The following FAM83F variants were observed in gnomAD, a reference collection of about 807,000 sequenced individuals.
The protein encoded by FAM83F is scaffolding CK1 anchoring protein F.
A neutral mutation model predicts 42.9 loss-of-function variants in FAM83F; 45 were observed. That is an observed-to-expected ratio of 1.05 (90% CI 0.83 to 1.35). The LOEUF (loss-of-function observed/expected upper bound fraction) is 1.35. FAM83F is among the 40% of genes most tolerant of loss of function. The pLI is 0.00. For missense variants in FAM83F, 617 were observed against 695.9 expected, an observed-to-expected ratio of 0.89 and a Z score of 1.28; for synonymous variants, 306 against 298.3, an observed-to-expected ratio of 1.03 and a Z score of -0.27.
intron 1 of FAM83F, among the ~76,000 whole-genome samples, chr22:40,017,579 C>T (rs1880578515): frequency 6.6e-6 from 1 of 152,194 alleles, no homozygotes; most frequent in Non-Finnish European, 1.5e-5. Flanking sequence ...CCTGGGACAA[C>T]CCTTTGAGAT....
At chr22:39,999,864 G>C (rs1034217511) in intron 1 of FAM83F, among the ~76,000 whole-genome samples, 8 of 152,200 alleles carry the variant, frequency 5.3e-5, no homozygotes, top group African/African-American at 1.9e-4. Flanking sequence ...CTGTCGATGG[G>C]TTTGTCCCTT....
intron 1 of FAM83F, among the ~76,000 whole-genome samples, chr22:40,013,860 A>G (rs576343673): frequency 6.6e-6 from 1 of 152,128 alleles, no homozygotes; most frequent in East Asian, 1.9e-4. Flanking sequence ...TCCAAATGCC[A>G]TGTGGTTAGG....
intron 1 of FAM83F, among the ~76,000 whole-genome samples, chr22:40,014,553 A>T (rs1254676490): frequency 6.6e-6 from 1 of 152,098 alleles, no homozygotes; most frequent in Admixed American, 6.5e-5. Context: ...TGTCATGTGC[A>T]TTTTCAATTG....
rs2067648706 is a variant in FAM83F, at chr22:40,041,189, G to C, written c.*11624G>C. ...CCAACTGTATAGAACACCACATATA[G>C]AGCGCTAAGAATAGCACAGCGCTCC... On this transcript the variant is annotated 3_prime_UTR_variant, in exon 5 of 5. Coordinates refer to ENST00000333407, the MANE Select transcript of FAM83F (RefSeq NM_138435.4). 6.6e-6 allele frequency: 1 copy of C among 152,260 alleles called. No individual in the cohort carries two copies. The highest frequency in any genetic ancestry group is 2.4e-5 in the African/African-American group (1 of 41,540). 9.4% of individuals were successfully genotyped at this position (152,260 alleles called of 1,614,324 possible).
chr22:40,024,528 A>G (rs2067540154), intron 4 of FAM83F, among the ~76,000 whole-genome samples: 1 of 152,148 alleles, frequency 6.6e-6, no homozygotes. Flanking sequence ...CCCCTGGTAA[A>G]TGTTCAGAAC....
rs1220390498 is a variant in FAM83F, at chr22:39,995,464, C to T, written c.422C>T (p.Pro141Leu). The change falls in exon 1 of 5, where the codon CCG becomes CTG. Residue 141 changes from proline (P) to leucine (L), a missense_variant. Physicochemically the swap from Pro to Leu is moderately conservative, Grantham distance 98 (BLOSUM62 -3). Coordinates refer to ENST00000333407, the MANE Select transcript of FAM83F (RefSeq NM_138435.4). The surrounding 1 kb of genome is among the most constrained non-coding windows in gnomAD (Gnocchi z 4.6). ...GVSRVTLFTH[P>L]PKDEKAPHLK... ...AGCCGGGTCACGCTCTTCACCCACC[C>T]GCCCAAGGACGAGAAGGCGCCGCAC... is the stretch of plus-strand genomic sequence containing the variant. 4.5e-6 allele frequency: 7 copies of T among 1,571,780 alleles called. No homozygotes were observed. The African/African-American group carries it at 9.5e-5, about 21-fold the overall frequency.
At chr22:40,020,730 A>G (rs2067515145) in intron 3 of FAM83F, among the ~76,000 whole-genome samples, 1 of 152,152 alleles carries the variant, frequency 6.6e-6, no homozygotes, top group Non-Finnish European at 1.5e-5. Context: ...CTCCAAGTAA[A>G]TTAAAATATA....
At chr22:40,000,572 T>G (rs1237256010) in intron 1 of FAM83F, among the ~76,000 whole-genome samples, 12 of 152,190 alleles carry the variant, frequency 7.9e-5, no homozygotes, top group Non-Finnish European at 1.6e-4. Context: ...CCAGGCACTT[T>G]GCTGGACATT....
At position 40,010,682 on chromosome 22, in the gene FAM83F, C is replaced by T. The variant is rs527339786; in HGVS notation, c.490-8486C>T. 9.2e-5 allele frequency among the ~76,000 whole-genome samples: 14 copies of T among 152,274 alleles called. 1 individual carries two copies. The South Asian group carries it at 2.9e-3, about 32-fold the overall frequency. On this transcript the variant is annotated intron_variant, in intron 1 of 4. Coordinates refer to ENST00000333407, the MANE Select transcript of FAM83F (RefSeq NM_138435.4). ...TGCAAACCGGTCAAGCTGTCCTCAG[C>T]GACATGAGTCCACTCTAAACTGGAC... is the stretch of plus-strand genomic sequence containing the variant.
intron 1 of FAM83F, among the ~76,000 whole-genome samples, chr22:40,016,502 C>G (rs1437264598): frequency 6.6e-6 from 1 of 151,226 alleles, no homozygotes; most frequent in Non-Finnish European, 1.5e-5. Context: ...CCCAGCCTAC[C>G]TTGTTGAACT....
chr22:40,025,823 C>T (rs185794202), intron 4 of FAM83F, among the ~76,000 whole-genome samples: 2 of 152,338 alleles, frequency 1.3e-5, no homozygotes, highest in East Asian at 3.9e-4. Context: ...CAGTGTAGCT[C>T]CCCAGTGCAG....
At position 39,995,274 on chromosome 22, in the gene FAM83F, G is replaced by T; in HGVS notation, c.232G>T (p.Val78Phe). Reference protein sequence around the residue: ...RAAWSPYEDAVPAANARGKSK... With the variant: ...RAAWSPYEDAFPAANARGKSK... ...CGCCTGGAGCCCCTACGAGGACGCCGTCCCCGCCGCCAACGCCCGGGGCAA... is the reference window on the plus strand; with the variant it reads ...CGCCTGGAGCCCCTACGAGGACGCCTTCCCCGCCGCCAACGCCCGGGGCAA... Residue 78 changes from valine to phenylalanine, a missense_variant, in exon 1 of 5, where the codon GTC becomes TTC. Coordinates refer to ENST00000333407, the MANE Select transcript of FAM83F (RefSeq NM_138435.4). This position sits in a 1 kb window ranked among gnomAD's most constrained non-coding sequence, Gnocchi z 4.6. 6.5e-7 allele frequency: 1 copy of T among 1,535,744 alleles called. No homozygotes were observed.
chr22:40,019,744 G>A, intron 2 of FAM83F, 143 bp from the exon 3 acceptor site: 1 of 1,195,312 alleles, frequency 8.4e-7, no homozygotes, highest in Non-Finnish European at 1.1e-6. Flanking sequence ...CCTATGGAAG[G>A]CTGTAGGAAG....
intron 2 of FAM83F, 34 bp downstream of exon 2, chr22:40,019,369 G>C: frequency 6.2e-7 from 1 of 1,602,904 alleles, no homozygotes; most frequent in Non-Finnish European, 8.5e-7. Context: ...AAGTGGACAG[G>C]AGATGAGACA....
chr22:40,035,842 C>G lies in FAM83F; in HGVS notation c.*6277C>G, dbSNP rs1450347350. ...AAACAGCTGGGCATCGGAGGAGCCT[C>G]CAGGGTTGTGACCTCCAGTGGCTTA... is the stretch of plus-strand genomic sequence containing the variant. On this transcript the variant is annotated 3_prime_UTR_variant, in exon 5 of 5. Transcript: ENST00000333407. 2.6e-5 allele frequency: 4 copies of G among 152,188 alleles called. No homozygotes were observed. The highest frequency in any genetic ancestry group is 2.6e-4 in the Admixed American group (4 of 15,270). 9.4% of individuals were successfully genotyped at this position (152,188 alleles called of 1,614,324 possible).
intron 1 of FAM83F, among the ~76,000 whole-genome samples, chr22:40,002,198 A>T (rs990579219): frequency 6.6e-6 from 1 of 152,182 alleles, no homozygotes; most frequent in African/African-American, 2.4e-5. Context: ...GTCATCCTGA[A>T]GGGCCAGACT....
intron 1 of FAM83F, among the ~76,000 whole-genome samples, chr22:40,018,425 T>G (rs776405536): frequency 1.2e-4 from 18 of 152,184 alleles, no homozygotes; most frequent in Admixed American, 3.3e-4. Flanking sequence ...TCTCCCATGA[T>G]ATGGCTTCTT....
intron 4 of FAM83F, among the ~76,000 whole-genome samples, chr22:40,022,690 C>T (rs554640606): frequency 6.6e-6 from 1 of 152,184 alleles, no homozygotes; most frequent in South Asian, 2.1e-4. Flanking sequence ...CTGGGGTGGC[C>T]TTTCAGGTGG....
chr22:39,997,059 T>G (rs1431082652), intron 1 of FAM83F, among the ~76,000 whole-genome samples: 1 of 152,220 alleles, frequency 6.6e-6, no homozygotes, highest in Admixed American at 6.5e-5. Context: ...ACCGGGTGAA[T>G]ATGTGTTTTC....
Sources: allele counts gnomAD v4.1 joint callset (sites outside exome capture counted in the v4.1 genomes callset), GRCh38; gene constraint gnomAD v4.1.1; non-coding constraint Gnocchi (gnomAD v3.1); transcripts MANE v1.5; gene names NCBI Gene and HGNC (gene_info 2026-07-23, HGNC 2026-07-21).